The following PCDH15 variants were observed in gnomAD, a reference collection of about 807,000 sequenced individuals.
PCDH15 encodes the protein protocadherin-15.
A neutral mutation model predicts 178.5 loss-of-function variants in PCDH15; 129 were observed. That is an observed-to-expected ratio of 0.72 (90% CI 0.63 to 0.84). The LOEUF (loss-of-function observed/expected upper bound fraction) is 0.84. PCDH15 is among the 40% of genes least tolerant of loss of function. PCDH15 has a pLI of 0.00. For synonymous variants in PCDH15, 800 were observed against 732.0 expected (o/e 1.09, Z -1.50); for missense variants, 2,230 against 2,099.9 (o/e 1.06, Z -1.21).
intron 2 of PCDH15, among the ~76,000 whole-genome samples, chr10:54,625,585 A>G (rs2093521836): frequency 6.6e-6 from 1 of 152,168 alleles, no homozygotes. Context: ...GCCTGCTGCC[A>G]TCCATGTAAG....
At chr10:54,995,255 A>C (rs975146692) in intron 2 of PCDH15, among the ~76,000 whole-genome samples, 158 of 152,208 alleles carry the variant, frequency 1.0e-3, no homozygotes, top group Non-Finnish European at 1.2e-3. Context: ...GGGCGCCTGT[A>C]GTCCCAACTA....
At chr10:54,556,676 A>T (rs1028097543) in intron 2 of PCDH15, among the ~76,000 whole-genome samples, 2 of 135,466 alleles carry the variant, frequency 1.5e-5, no homozygotes, top group Non-Finnish European at 3.1e-5. Context: ...TTTCAGTGAG[A>T]GCAGGTTAAT....
intron 26 of PCDH15, among the ~76,000 whole-genome samples, chr10:53,872,884 T>G: frequency 6.6e-6 from 1 of 152,310 alleles, no homozygotes; most frequent in Non-Finnish European, 1.5e-5. Flanking sequence ...TATCTGTACT[T>G]ACTTTGACTA....
chr10:55,022,368 C>T (rs1305848083), intron 2 of PCDH15, among the ~76,000 whole-genome samples: 2 of 147,152 alleles, frequency 1.4e-5, no homozygotes, highest in African/African-American at 2.5e-5. Flanking sequence ...AGAAGAATCA[C>T]TTGAATCCGG....
chr10:53,874,473 G>A (rs1301671853), intron 26 of PCDH15, among the ~76,000 whole-genome samples: 18 of 152,026 alleles, frequency 1.2e-4, no homozygotes, highest in Admixed American at 9.8e-4. Flanking sequence ...CCCAACTCAA[G>A]GAGAAATCAT....
At chr10:53,868,668 C>T (rs749174129) in intron 26 of PCDH15, among the ~76,000 whole-genome samples, 1 of 152,074 alleles carries the variant, frequency 6.6e-6, no homozygotes, top group Non-Finnish European at 1.5e-5. Context: ...GTATTAAATA[C>T]AGCATCAACT....
chr10:55,085,331 A>G (rs1467036182), intron 2 of PCDH15, among the ~76,000 whole-genome samples: 1 of 152,004 alleles, frequency 6.6e-6, no homozygotes, highest in African/African-American at 2.4e-5. Flanking sequence ...TCATGGAGAC[A>G]GAGAGTAGAA....
At chr10:55,275,379 C>G (rs1842563263) in intron 1 of PCDH15, among the ~76,000 whole-genome samples, 1 of 151,926 alleles carries the variant, frequency 6.6e-6, no homozygotes, top group South Asian at 2.1e-4. Flanking sequence ...GTACTCTTTC[C>G]CAGATTTAAG....
chr10:54,027,247 C>A lies in PCDH15; in HGVS notation c.2221-4050G>T, dbSNP rs1040425798. On this transcript the variant is annotated intron_variant, in intron 18 of 37. Transcript: ENST00000644397. ...CCAACTTACAAGGGATGTGAAGGAC[C>A]TCTTCAAGGAGAACTACAAACCACT... 7.4e-5 allele frequency among the ~76,000 whole-genome samples: 11 copies of A among 148,652 alleles called. 1 individual carries two copies. In the East Asian group the frequency reaches 1.0e-3, roughly 14 times the overall value.
At chr10:53,944,161 A>G (rs1415860759) in intron 23 of PCDH15, among the ~76,000 whole-genome samples, 1 of 152,220 alleles carries the variant, frequency 6.6e-6, no homozygotes, top group East Asian at 1.9e-4. Flanking sequence ...CTACTGTACA[A>G]TAATTCAAGT....
At position 54,183,451 on chromosome 10, in the gene PCDH15, A is replaced by T. The variant is rs267606932; in HGVS notation, c.1583T>A (p.Val528Asp). 12 of 1,611,636 alleles carry T rather than the reference A, an allele frequency of 7.4e-6. No individual in the cohort carries two copies. Among genetic ancestry groups the T allele is most frequent in the Non-Finnish European group, 9.3e-6 (11 of 1,177,918 alleles). Residue 528 changes from valine to aspartate, a missense_variant, in exon 13 of 38, where the codon GTC becomes GAC. Coordinates refer to ENST00000644397, the MANE Select transcript of PCDH15 (RefSeq NM_001384140.1). Reference protein sequence around the residue: ...VYTDMRPGDSVIQLTAVDADE... With the variant: ...VYTDMRPGDSDIQLTAVDADE... ...TATTATGTGAGTAGTTACCTGTATG[A>T]CACTGTCCCCAGGTCTCATGTCTGT...
Position 54,369,150 on chromosome 10 carries a change from C to T in PCDH15, c.444G>A (p.Lys148=). The T allele has an allele frequency of 1.2e-6, 2 of 1,612,922 alleles. No individual in the cohort carries two copies. Among genetic ancestry groups the T allele is most frequent in the African/African-American group, 1.3e-5 (1 of 74,944 alleles). The change falls in exon 5 of 38, where the codon AAG becomes AAA. Residue 148 remains lysine, a synonymous_variant. Transcript: ENST00000644397. ...RDRNDNSPTF[K]HESYYATVNE... Reference sequence around the variant, plus strand: ...TCACTGTGGCATAGTAGCTTTCATGCTTGAAAGTGGGTGAGTTGTCATTCC... The same window carrying T: ...TCACTGTGGCATAGTAGCTTTCATGTTTGAAAGTGGGTGAGTTGTCATTCC...
At chr10:55,135,733 C>T (rs1308799961) in intron 2 of PCDH15, among the ~76,000 whole-genome samples, 1 of 151,664 alleles carries the variant, frequency 6.6e-6, no homozygotes, top group Non-Finnish European at 1.5e-5. Context: ...CAGGCACACA[C>T]CACCCTGCCT....
intron 3 of PCDH15, among the ~76,000 whole-genome samples, chr10:54,449,981 G>A (rs1219446211): frequency 6.6e-6 from 1 of 151,654 alleles, no homozygotes; most frequent in South Asian, 2.1e-4. Context: ...AGTATAGAGA[G>A]TTCTTGAAAA....
intron 1 of PCDH15, among the ~76,000 whole-genome samples, chr10:55,212,172 G>A (rs981936844): frequency 6.6e-6 from 1 of 152,096 alleles, no homozygotes; most frequent in African/African-American, 2.4e-5. Context: ...AAAAGATTAG[G>A]TTGAGGGAGG....
At chr10:55,493,457 G>T (rs1348588786) in intron 2 of PCDH15, among the ~76,000 whole-genome samples, 1 of 151,368 alleles carries the variant, frequency 6.6e-6, no homozygotes, top group African/African-American at 2.4e-5. Flanking sequence ...TGGGACAATT[G>T]ATTGAGCCCA....
intron 2 of PCDH15, among the ~76,000 whole-genome samples, chr10:55,448,202 A>T (rs929610680): frequency 2.0e-5 from 3 of 152,052 alleles, no homozygotes; most frequent in Admixed American, 6.6e-5. Flanking sequence ...GCATCTAATG[A>T]CCTGGCTAAG....
chr10:55,151,653 C>T (rs1387164349), intron 2 of PCDH15, among the ~76,000 whole-genome samples: 5 of 152,068 alleles, frequency 3.3e-5, no homozygotes, highest in Non-Finnish European at 5.9e-5. Context: ...ACAGAGCCTA[C>T]TCTATCACAT....
chr10:54,649,434 C>A (rs573180223), intron 2 of PCDH15, among the ~76,000 whole-genome samples: 1 of 152,034 alleles, frequency 6.6e-6, no homozygotes, highest in South Asian at 2.1e-4. Flanking sequence ...ATCCAGAAGA[C>A]CATGTGTGGA....
Sources: allele counts gnomAD v4.1 joint callset (sites outside exome capture counted in the v4.1 genomes callset), GRCh38; gene constraint gnomAD v4.1.1; transcripts MANE v1.5; gene names NCBI Gene and HGNC (gene_info 2026-07-23, HGNC 2026-07-21).